Variants in CDH11 observed in about 807,000 individuals in gnomAD.
The protein encoded by CDH11 is cadherin-11.
A neutral mutation model predicts 67.8 loss-of-function variants in CDH11; 11 were observed. The ratio of observed to expected loss-of-function variants is 0.16; its 90% CI spans 0.10 to 0.27. The LOEUF (loss-of-function observed/expected upper bound fraction) is 0.27. CDH11 is among the 10% of genes least tolerant of loss of function. The pLI is 1.00. For missense variants in CDH11, 847 were observed against 1,031.2 expected, an observed-to-expected ratio of 0.82 and a Z score of 2.45; for synonymous variants, 419 against 400.0, an observed-to-expected ratio of 1.05 and a Z score of -0.57.
At chr16:65,022,469 T>G (rs1304624257) in intron 2 of CDH11, among the ~76,000 whole-genome samples, 2 of 152,196 alleles carry the variant, frequency 1.3e-5, no homozygotes, top group Non-Finnish European at 2.9e-5. Context: ...TCCTTCAGTA[T>G]TCACCATTGT....
chr16:65,057,516 T>A (rs2074164316), intron 1 of CDH11, among the ~76,000 whole-genome samples: 1 of 152,182 alleles, frequency 6.6e-6, no homozygotes, highest in South Asian at 2.1e-4. Context: ...TAAAGTGGAA[T>A]GAAGGACATA....
At chr16:64,972,856 C>A (rs368590436) in intron 9 of CDH11, 48 bp downstream of exon 9, 2 of 1,594,642 alleles carry the variant, frequency 1.3e-6, no homozygotes, top group African/African-American at 1.3e-5. Context: ...GAGTCTGAAG[C>A]GATAATACTT....
intron 1 of CDH11, among the ~76,000 whole-genome samples, chr16:65,083,705 A>T (rs1336013245): frequency 5.9e-5 from 9 of 152,248 alleles, no homozygotes. Flanking sequence ...CTTATAAAGG[A>T]TCTAATCATC....
chr16:64,974,286 A>G (rs1418979360), intron 8 of CDH11, among the ~76,000 whole-genome samples: 2 of 152,174 alleles, frequency 1.3e-5, no homozygotes, highest in Non-Finnish European at 2.9e-5. Flanking sequence ...TGAGCTTCAT[A>G]AGTGTGTGGT....
chr16:65,066,660 A>G (rs1043061976), intron 1 of CDH11, among the ~76,000 whole-genome samples: 1 of 152,372 alleles, frequency 6.6e-6, no homozygotes, highest in Admixed American at 6.5e-5. Flanking sequence ...AATGAGAGGC[A>G]ACAACTATGA....
At chr16:64,992,646 C>A (rs866186885) in intron 5 of CDH11, among the ~76,000 whole-genome samples, 6 of 152,294 alleles carry the variant, frequency 3.9e-5, no homozygotes, top group South Asian at 4.1e-4. Context: ...CCTTATTGCT[C>A]TCTTACTTCT....
chr16:65,026,935 T>C (rs564667545), intron 2 of CDH11, among the ~76,000 whole-genome samples: 5 of 152,212 alleles, frequency 3.3e-5, no homozygotes, highest in Non-Finnish European at 7.3e-5. Context: ...AAATATCTTC[T>C]AATAAATGGA....
intron 2 of CDH11, among the ~76,000 whole-genome samples, chr16:65,018,662 TAAAG>T (rs1272914727): frequency 3.3e-5 from 5 of 152,312 alleles, no homozygotes; most frequent in African/African-American, 1.2e-4. Flanking sequence ...CAAAAAGTCA[TAAAG>T]AGATTACTTC....
At position 64,947,126 on chromosome 16, in the gene CDH11, G is replaced by A. The variant is rs2071215623; in HGVS notation, c.*477C>T. ...CATTGTATTGTACATACATTGTATGGGTTTAAGCTGGCTGAATATTATATA... is the reference window on the plus strand; with the variant it reads ...CATTGTATTGTACATACATTGTATGAGTTTAAGCTGGCTGAATATTATATA... On this transcript the variant is annotated 3_prime_UTR_variant, in exon 13 of 13. Coordinates refer to ENST00000268603, the MANE Select transcript of CDH11 (RefSeq NM_001797.4). 7 of 1,040,414 alleles carry A rather than the reference G, an allele frequency of 6.7e-6. No individual in the cohort carries two copies. The highest frequency in any genetic ancestry group is 8.1e-6 in the Non-Finnish European group (7 of 861,036). 64.4% of individuals were successfully genotyped at this position (1,040,414 alleles called of 1,614,324 possible).
intron 1 of CDH11, among the ~76,000 whole-genome samples, chr16:65,086,270 A>G (rs2142816872): frequency 6.6e-6 from 1 of 152,350 alleles, no homozygotes; most frequent in South Asian, 2.1e-4. Flanking sequence ...ATGCTGTAAA[A>G]CCATACACTA....
At chr16:64,955,703 C>T (rs2071489167) in intron 11 of CDH11, among the ~76,000 whole-genome samples, 1 of 152,084 alleles carries the variant, frequency 6.6e-6, no homozygotes, top group Non-Finnish European at 1.5e-5. Context: ...TATAATAGTA[C>T]CACTGCACTA....
At chr16:65,062,439 T>C (rs191145410) in intron 1 of CDH11, among the ~76,000 whole-genome samples, 3 of 152,258 alleles carry the variant, frequency 2.0e-5, no homozygotes, top group Admixed American at 2.0e-4. Context: ...TCCCGCTATC[T>C]TTCCATAGTA....
intron 11 of CDH11, among the ~76,000 whole-genome samples, chr16:64,961,599 A>T (rs2071677950): frequency 6.6e-6 from 1 of 152,168 alleles, no homozygotes; most frequent in Non-Finnish European, 1.5e-5. Context: ...TTATATATCA[A>T]ATATTCAGAT....
At chr16:65,116,922 C>T (rs1480384182) in intron 1 of CDH11, among the ~76,000 whole-genome samples, 2 of 152,166 alleles carry the variant, frequency 1.3e-5, no homozygotes, top group Non-Finnish European at 2.9e-5. Context: ...GAGCAGAAAC[C>T]TCGACCATAC....
At chr16:65,088,856 A>G (rs2074744671) in intron 1 of CDH11, among the ~76,000 whole-genome samples, 1 of 152,164 alleles carries the variant, frequency 6.6e-6, no homozygotes, top group Admixed American at 6.6e-5. Flanking sequence ...TCTACTATTG[A>G]TTTATACTTT....
intron 3 of CDH11, among the ~76,000 whole-genome samples, chr16:65,001,844 A>C (rs1373525071): frequency 1.3e-5 from 2 of 151,376 alleles, no homozygotes; most frequent in African/African-American, 4.8e-5. Context: ...ATTCAGTGCT[A>C]TCAAGGGATC....
intron 1 of CDH11, among the ~76,000 whole-genome samples, chr16:65,058,266 T>C (rs1038857605): frequency 2.0e-5 from 3 of 152,140 alleles, no homozygotes; most frequent in African/African-American, 7.2e-5. Context: ...GCCACCACAA[T>C]GGGATATTTT....
chr16:65,069,781 C>A (rs2074384041), intron 1 of CDH11, among the ~76,000 whole-genome samples: 1 of 152,152 alleles, frequency 6.6e-6, no homozygotes, highest in Non-Finnish European at 1.5e-5. Flanking sequence ...TCCCATAGCA[C>A]AAACCTTAGA....
chr16:65,069,850 T>C (rs2074385236), intron 1 of CDH11, among the ~76,000 whole-genome samples: 1 of 152,156 alleles, frequency 6.6e-6, no homozygotes, highest in East Asian at 1.9e-4. Context: ...CACACATCAG[T>C]TGACCACCAA....
Sources: gnomAD v4.1 joint callset for allele counts (sites outside exome capture counted in the v4.1 genomes callset) on GRCh38, gnomAD v4.1.1 for gene constraint, MANE v1.5 for transcripts, NCBI Gene and HGNC (gene_info 2026-07-23, HGNC 2026-07-21) for gene names.